Variants in WWC1 observed in about 807,000 individuals in gnomAD.
WWC1 encodes protein KIBRA.
Under a neutral mutation model 138.4 loss-of-function variants are expected in WWC1, and 55 were observed. That is an observed-to-expected ratio of 0.40 (90% CI 0.32 to 0.50). WWC1 has a LOEUF of 0.50. Among genes scored for constraint, WWC1 ranks in the 20% least tolerant of loss-of-function variants. The pLI is 0.72. For synonymous variants in WWC1, 524 were observed against 564.9 expected, an observed-to-expected ratio of 0.93 and a Z score of 1.03; for missense variants, 1,226 against 1,420.4, an observed-to-expected ratio of 0.86 and a Z score of 2.20.
chr5:168,460,570 C>T, intron 19 of WWC1, 80 bp from the exon 20 acceptor site: 1 of 1,405,284 alleles, frequency 7.1e-7, no homozygotes, highest in East Asian at 2.3e-5. Context: ...GTGGAGGAAC[C>T]TGACCTCCCT....
At chr5:168,367,652 T>G (rs1221293933) in intron 1 of WWC1, among the ~76,000 whole-genome samples, 1 of 152,046 alleles carries the variant, frequency 6.6e-6, no homozygotes, top group Admixed American at 6.6e-5. Context: ...AGAGCTCGAG[T>G]TTTGGAATCT....
At chr5:168,360,578 T>A (rs6873727) in intron 1 of WWC1, among the ~76,000 whole-genome samples, 5 of 151,990 alleles carry the variant, frequency 3.3e-5, no homozygotes, top group Non-Finnish European at 7.4e-5. Context: ...AGAGGGTGCC[T>A]TAGGGGTGTT....
intron 1 of WWC1, among the ~76,000 whole-genome samples, chr5:168,351,901 C>T (rs1774994792): frequency 6.6e-6 from 1 of 152,156 alleles, no homozygotes; most frequent in Non-Finnish European, 1.5e-5. Context: ...CTGGCTGCTT[C>T]TCTGCACCCT....
At chr5:168,355,875 A>C (rs541886378) in intron 1 of WWC1, among the ~76,000 whole-genome samples, 38 of 151,548 alleles carry the variant, frequency 2.5e-4, no homozygotes, top group Non-Finnish European at 4.7e-4. Flanking sequence ...GGGTGCTGCA[A>C]AGTGGGGAGA....
chr5:168,447,499 A>G (rs1755384268), intron 17 of WWC1, among the ~76,000 whole-genome samples: 1 of 152,090 alleles, frequency 6.6e-6, no homozygotes, highest in African/African-American at 2.4e-5. Context: ...TGAAATTTGC[A>G]TTTTATATAA....
Position 168,460,972 on chromosome 5 carries a change from G to A in WWC1, c.2916+230G>A, listed in dbSNP as rs375433431. On this transcript the variant is annotated intron_variant, in intron 20 of 22. Coordinates refer to ENST00000265293, the MANE Select transcript of WWC1 (RefSeq NM_015238.3). The stretch of plus-strand genomic sequence containing the variant: ...TGTATTTGTCTTATTATGACAAATA[G>A]GTTAGATGAGGAGTGTGTACACTTG... 5.3e-5 allele frequency among the ~76,000 whole-genome samples: 8 copies of A among 152,210 alleles called. No homozygotes were observed. In the East Asian group the frequency reaches 5.8e-4, roughly 11 times the overall value.
intron 1 of WWC1, among the ~76,000 whole-genome samples, chr5:168,311,324 A>ACC (rs1771056364): frequency 6.7e-5 from 4 of 59,272 alleles, no homozygotes; most frequent in Non-Finnish European, 1.4e-4. Context: ...TCTGGAAAAA[A>ACC]GCACAGGAAT....
intron 17 of WWC1, among the ~76,000 whole-genome samples, chr5:168,446,232 T>TAAAAAAAAA (rs60746695): frequency 1.7e-5 from 1 of 58,750 alleles, no homozygotes; most frequent in Non-Finnish European, 2.9e-5. Context: ...CTCCCATTAT[T>TAAAAAAAAA]AAAAAAAAAA....
At chr5:168,322,027 G>T (rs1772156939) in intron 1 of WWC1, among the ~76,000 whole-genome samples, 4 of 152,142 alleles carry the variant, frequency 2.6e-5, no homozygotes, top group Non-Finnish European at 5.9e-5. Flanking sequence ...GATCCTCTCA[G>T]GAGATCTGCG....
chr5:168,412,915 T>C (rs1780337882), intron 8 of WWC1, among the ~76,000 whole-genome samples: 1 of 152,184 alleles, frequency 6.6e-6, no homozygotes, highest in African/African-American at 2.4e-5. Context: ...TTGGTACCTG[T>C]GGGAGGTCCT....
chr5:168,384,943 C>T (rs1041890147), intron 2 of WWC1, among the ~76,000 whole-genome samples: 3 of 152,066 alleles, frequency 2.0e-5, no homozygotes, highest in African/African-American at 7.2e-5. Flanking sequence ...TCTCAAGCTC[C>T]TTGACCTCAA....
intron 1 of WWC1, among the ~76,000 whole-genome samples, chr5:168,346,701 C>T (rs916969947): frequency 2.0e-5 from 3 of 152,208 alleles, no homozygotes; most frequent in Non-Finnish European, 4.4e-5. Context: ...AAGCCGGGAC[C>T]TCCCAGGGCC....
intron 2 of WWC1, among the ~76,000 whole-genome samples, chr5:168,381,115 G>A (rs552850868): frequency 1.6e-4 from 24 of 152,220 alleles, no homozygotes; most frequent in African/African-American, 5.3e-4. Context: ...AACCAGTTCT[G>A]GTGTGAGTTT....
At chr5:168,305,863 A>G (rs1482266519) in intron 1 of WWC1, among the ~76,000 whole-genome samples, 1 of 152,204 alleles carries the variant, frequency 6.6e-6, no homozygotes, top group East Asian at 1.9e-4. Context: ...GAATTTCTAG[A>G]AAGTCCCTAG....
chr5:168,341,263 C>T (rs1774012649), intron 1 of WWC1, among the ~76,000 whole-genome samples: 1 of 152,138 alleles, frequency 6.6e-6, no homozygotes, highest in African/African-American at 2.4e-5. Flanking sequence ...AGAGGAGGTG[C>T]TTGCTCTAAG....
chr5:168,332,045 C>T (rs1456936412), intron 1 of WWC1, among the ~76,000 whole-genome samples: 2 of 151,596 alleles, frequency 1.3e-5, no homozygotes, highest in Non-Finnish European at 2.9e-5. Context: ...ACTTAGGAGG[C>T]TAAGGCAGGA....
intron 7 of WWC1, 127 bp from the exon 8 acceptor site, chr5:168,409,795 C>G (rs898831185): frequency 1.1e-6 from 1 of 913,014 alleles, no homozygotes; most frequent in Non-Finnish European, 1.8e-6. Flanking sequence ...CACCGCCAGC[C>G]CAGTCACCGG....
At chr5:168,395,264 G>T in intron 3 of WWC1, among the ~76,000 whole-genome samples, 1 of 152,148 alleles carries the variant, frequency 6.6e-6, no homozygotes, top group East Asian at 1.9e-4. Flanking sequence ...TGATGAACAG[G>T]GTGGTTGGCA....
intron 1 of WWC1, among the ~76,000 whole-genome samples, chr5:168,353,070 A>G (rs1775109892): frequency 2.0e-5 from 3 of 152,152 alleles, no homozygotes; most frequent in African/African-American, 7.2e-5. Context: ...CTGAACTCCA[A>G]TTCGAACCCG....
Sources: gnomAD v4.1 joint callset for allele counts (sites outside exome capture counted in the v4.1 genomes callset) on GRCh38, gnomAD v4.1.1 for gene constraint, MANE v1.5 for transcripts, NCBI Gene and HGNC (gene_info 2026-07-23, HGNC 2026-07-21) for gene names.